AGMO: variants seen among roughly 807,000 people sequenced by gnomAD.
AGMO encodes the protein glyceryl-ether monooxygenase.
A neutral mutation model predicts 60.2 loss-of-function variants in AGMO; 75 were observed. The ratio of observed to expected loss-of-function variants is 1.25; its 90% CI spans 1.03 to 1.51. The LOEUF (loss-of-function observed/expected upper bound fraction) is 1.51. AGMO is among the 40% of genes most tolerant of loss of function. The probability of loss-of-function intolerance (pLI) is 0.00; values close to 1 mark genes in which losing one functional copy is unlikely to be tolerated. For missense variants in AGMO, 763 were observed against 525.5 expected (o/e 1.45, Z -4.42); for synonymous variants, 261 against 177.1 (o/e 1.47, Z -3.76).
intron 12 of AGMO, among the ~76,000 whole-genome samples, chr7:15,274,243 G>A (rs369271444): frequency 6.4e-4 from 98 of 152,300 alleles, no homozygotes; most frequent in African/African-American, 2.0e-3. Flanking sequence ...CATTCAGTAT[G>A]ATATTGGCTG....
chr7:15,466,118 G>T (rs1177121634), intron 3 of AGMO, among the ~76,000 whole-genome samples: 1 of 152,134 alleles, frequency 6.6e-6, no homozygotes, highest in Non-Finnish European at 1.5e-5. Flanking sequence ...TAGCCACTGA[G>T]CTAATTGTTG....
At chr7:15,133,848 T>C in the AGMO span, among the ~76,000 whole-genome samples, 2 of 152,140 alleles carry the variant, frequency 1.3e-5, no homozygotes, top group African/African-American at 4.8e-5. Flanking sequence ...CTCACACAGC[T>C]CACCAACACT....
At chr7:15,452,397 A>C (rs1338540773) in intron 3 of AGMO, among the ~76,000 whole-genome samples, 1 of 152,174 alleles carries the variant, frequency 6.6e-6, no homozygotes, top group Non-Finnish European at 1.5e-5. Flanking sequence ...ATAGAAAAAC[A>C]CACAGTCTTA....
intron 5 of AGMO, 39 bp from the exon 6 acceptor site, chr7:15,394,218 C>G: frequency 7.3e-7 from 1 of 1,365,498 alleles, no homozygotes; most frequent in Non-Finnish European, 1.0e-6. Flanking sequence ...ATGTAGTTAT[C>G]ATTAAATGTG....
At chr7:15,386,655 C>T (rs1052965682) in intron 9 of AGMO, among the ~76,000 whole-genome samples, 5 of 152,082 alleles carry the variant, frequency 3.3e-5, no homozygotes, top group Non-Finnish European at 7.4e-5. Context: ...CATCTTATTT[C>T]CTTGAAACAT....
At chr7:15,557,409 A>G (rs761505538) in intron 2 of AGMO, among the ~76,000 whole-genome samples, 1 of 152,092 alleles carries the variant, frequency 6.6e-6, no homozygotes, top group Non-Finnish European at 1.5e-5. Flanking sequence ...GGATCCGATC[A>G]TTGCCGTGTT....
chr7:15,149,492 A>G, the AGMO span, among the ~76,000 whole-genome samples: 1 of 152,268 alleles, frequency 6.6e-6, no homozygotes, highest in Non-Finnish European at 1.5e-5. Flanking sequence ...TGATTTTATT[A>G]TATGGTGAAA....
intron 5 of AGMO, among the ~76,000 whole-genome samples, chr7:15,418,023 A>G (rs924343613): frequency 6.6e-6 from 1 of 152,124 alleles, no homozygotes; most frequent in Admixed American, 6.5e-5. Flanking sequence ...GGAAGACTCT[A>G]AAATTACATT....
chr7:15,365,379 G>GGAAAAAAAAAAAAAAAAAAAAA (rs1782929826), intron 12 of AGMO, 135 bp downstream of exon 12: 1 of 217,790 alleles, frequency 4.6e-6, no homozygotes, highest in Non-Finnish European at 7.4e-6. Flanking sequence ...GTACTGGTAA[G>GGAAAAAAAAAAAAAAAAAAAAA]TAAAAAAAAA....
At chr7:15,464,094 A>T (rs1782216662) in intron 3 of AGMO, among the ~76,000 whole-genome samples, 1 of 152,162 alleles carries the variant, frequency 6.6e-6, no homozygotes, top group Admixed American at 6.5e-5. Context: ...TTGCTTGAAG[A>T]AGGTAAGCAC....
the AGMO span, among the ~76,000 whole-genome samples, chr7:15,165,796 T>A: frequency 6.6e-6 from 1 of 152,296 alleles, no homozygotes; most frequent in East Asian, 1.9e-4. Flanking sequence ...AATGAGAATC[T>A]ATAAAAATAT....
chr7:15,439,896 C>T (rs1430916409), intron 3 of AGMO, among the ~76,000 whole-genome samples: 2 of 152,106 alleles, frequency 1.3e-5, no homozygotes, highest in Non-Finnish European at 2.9e-5. Flanking sequence ...GATGAGACCC[C>T]CCGACCCTGT....
At chr7:15,350,803 T>C (rs1349815989) in intron 12 of AGMO, among the ~76,000 whole-genome samples, 1 of 152,168 alleles carries the variant, frequency 6.6e-6, no homozygotes, top group Non-Finnish European at 1.5e-5. Context: ...AGTTTCATTA[T>C]TTTATCTTAA....
intron 3 of AGMO, among the ~76,000 whole-genome samples, chr7:15,442,209 C>T (rs1371684875): frequency 6.6e-6 from 1 of 152,112 alleles, no homozygotes; most frequent in Non-Finnish European, 1.5e-5. Context: ...AAGCAATCTG[C>T]CCCTGTGATA....
chr7:15,479,709 G>T (rs922212966), intron 3 of AGMO, among the ~76,000 whole-genome samples: 2 of 152,136 alleles, frequency 1.3e-5, no homozygotes, highest in South Asian at 4.1e-4. Context: ...AACCCTGAAG[G>T]CCTGCCTTGT....
chr7:15,322,819 ATG>A (rs1781214632), intron 12 of AGMO, among the ~76,000 whole-genome samples: 1 of 141,122 alleles, frequency 7.1e-6, no homozygotes, highest in Admixed American at 7.5e-5. Flanking sequence ...ATACACATAC[ATG>A]TGACACATAG....
chr7:15,415,569 G>A (rs1047694378), intron 5 of AGMO, among the ~76,000 whole-genome samples: 11 of 151,664 alleles, frequency 7.3e-5, no homozygotes, highest in Admixed American at 5.3e-4. Context: ...TGAATCATTC[G>A]GTTCAAATCT....
In AGMO at chr7:15,330,079, CTATT is replaced by C. The variant is rs535603212; in HGVS notation, c.1263+35431_1263+35434del. On this transcript the variant is annotated intron_variant, in intron 12 of 12. Transcript: ENST00000342526. ...ATTATTTTCTTTTTTCTTTCTATCT[CTATT>C]GAAGTTAATATATAAAATGATTTCT... is the stretch of plus-strand genomic sequence containing the variant. Among the ~76,000 whole-genome samples, 835 of 151,974 alleles carry C rather than the reference CTATT, an allele frequency of 5.5e-3. 13 individuals are homozygous for C. The highest frequency in any genetic ancestry group is 0.019 in the African/African-American group (777 of 41,436).
chr7:15,320,331 A>G (rs1781070417), intron 12 of AGMO, among the ~76,000 whole-genome samples: 1 of 152,064 alleles, frequency 6.6e-6, no homozygotes, highest in Admixed American at 6.6e-5. Context: ...AGAAAGTCAA[A>G]AACAAATTTT....
Sources: gnomAD v4.1 joint callset for allele counts (sites outside exome capture counted in the v4.1 genomes callset) on GRCh38, gnomAD v4.1.1 for gene constraint, MANE v1.5 for transcripts, NCBI Gene and HGNC (gene_info 2026-07-23, HGNC 2026-07-21) for gene names.